ZZEF1: variants seen among roughly 807,000 people sequenced by gnomAD.
The protein encoded by ZZEF1 is zinc finger ZZ-type and EF-hand domain containing 1, also known as zinc finger ZZ-type and EF-hand domain-containing protein 1.
A neutral mutation model predicts 342.8 loss-of-function variants in ZZEF1; 157 were observed. That is an observed-to-expected ratio of 0.46 (90% confidence interval 0.40 to 0.52). The LOEUF is 0.52. Ranked by LOEUF, ZZEF1 falls within the 20% of genes least tolerant of loss-of-function variation. ZZEF1 has a pLI of 0.00. For missense variants in ZZEF1, 3,480 were observed against 3,725.6 expected (o/e 0.93, Z 1.72); for synonymous variants, 1,505 against 1,429.1 (o/e 1.05, Z -1.20).
chr17:4,007,556 C>T (rs1383234925), intron 54 of ZZEF1, among the ~76,000 whole-genome samples: 1 of 152,056 alleles, frequency 6.6e-6, no homozygotes, highest in Non-Finnish European at 1.5e-5. Flanking sequence ...TGGACAGGGG[C>T]AGCAAGAGGG....
intron 40 of ZZEF1, chr17:4,033,503 A>G (rs1203807771): frequency 6.0e-6 from 1 of 166,032 alleles, no homozygotes; most frequent in Non-Finnish European, 1.3e-5. Flanking sequence ...ACACGCCACC[A>G]TGTCCGGCTA....
chr17:4,032,264 A>C lies in ZZEF1; in HGVS notation c.6760-6T>G. The C allele has an allele frequency of 1.2e-6, 2 of 1,608,092 alleles. No individual in the cohort carries two copies. Among genetic ancestry groups the C allele is most frequent in the Non-Finnish European group, 1.7e-6 (2 of 1,178,434 alleles). ...CGGGTTCCCACACAGAGGACCTAGAACGTGGTAGACAGAGACAGAAAGGCA... is the reference window on the plus strand; with the variant it reads ...CGGGTTCCCACACAGAGGACCTAGACCGTGGTAGACAGAGACAGAAAGGCA... On this transcript the variant is annotated splice_polypyrimidine_tract_variant and splice_region_variant and intron_variant, in intron 41 of 54. Coordinates refer to ENST00000381638, the MANE Select transcript of ZZEF1 (RefSeq NM_015113.4).
At position 4,114,340 on chromosome 17, in the gene ZZEF1, G is replaced by A. The variant is rs753871907; in HGVS notation, c.825C>T (p.Ser275=). The change falls in exon 4 of 55, where the codon TCC becomes TCT. Residue 275 remains serine, a synonymous_variant. Transcript: ENST00000381638. ...IDKMTNGETS[S]YWQSDGSACS... ...AGGCACTGCCATCTGACTGCCAGTA[G>A]GATGAGGTTTCTCCATTTGTCATCT... is the stretch of plus-strand genomic sequence containing the variant. The A allele has an allele frequency of 2.5e-6, 4 of 1,610,302 alleles. No homozygotes were observed. In the East Asian group the frequency reaches 9.0e-5, roughly 36 times the overall value.
In ZZEF1 at chr17:4,017,661, T is replaced by C. The variant is rs375101779; in HGVS notation, c.7711A>G (p.Thr2571Ala). ...TAGCTCTGCTGCAGTTCGCTCTCTGTGCTGGAGATCAGCTTCTGGGTCACA... is the reference window on the plus strand; with the variant it reads ...TAGCTCTGCTGCAGTTCGCTCTCTGCGCTGGAGATCAGCTTCTGGGTCACA... ...NPVTQKLISS[T>A]ESELQQSYAK... Residue 2571 changes from threonine (T) to alanine (A), a missense_variant, in exon 48 of 55, where the codon ACA becomes GCA. Around this residue, in one of 5 missense-constraint regions of ZZEF1, gnomAD observed 1,269 missense variants for 1,342.4 expected, o/e 0.95. Coordinates refer to ENST00000381638, the MANE Select transcript of ZZEF1 (RefSeq NM_015113.4). This position sits in a 1 kb window ranked among gnomAD's most constrained non-coding sequence, Gnocchi z 5.1. 1.5e-5 allele frequency: 25 copies of C among 1,613,970 alleles called. No homozygotes were observed. The African/African-American group carries it at 2.7e-4, about 17-fold the overall frequency.
chr17:4,042,553 T>TA lies in ZZEF1; in HGVS notation c.6181_6182insT (p.Glu2061ValfsTer18). The TA allele has an allele frequency of 4.3e-6, 7 of 1,611,000 alleles. No homozygotes were observed. The highest frequency in any genetic ancestry group is 5.1e-6 in the Non-Finnish European group (6 of 1,179,244). On this transcript the variant is annotated frameshift_variant, in exon 39 of 55. Transcript: ENST00000381638. LOFTEE classifies it high-confidence loss of function. ...CTCTATGGGCTTCTGAGATGACACT[T>TA]CTGAATCTTCAGCATCTAAGTGGTA...
chr17:4,036,960 G>A (rs1296134969), intron 39 of ZZEF1, among the ~76,000 whole-genome samples: 6 of 151,984 alleles, frequency 3.9e-5, no homozygotes, highest in Non-Finnish European at 5.9e-5. Flanking sequence ...AAAGGAATGA[G>A]GTCACCTTAG....
At chr17:4,062,313 C>T (rs965049145) in intron 30 of ZZEF1, among the ~76,000 whole-genome samples, 2 of 151,532 alleles carry the variant, frequency 1.3e-5, no homozygotes, top group African/African-American at 4.8e-5. Context: ...TCTCTCTCCT[C>T]AATATAATAT....
intron 1 of ZZEF1, among the ~76,000 whole-genome samples, chr17:4,138,850 G>A (rs537012745): frequency 6.6e-6 from 1 of 152,236 alleles, no homozygotes; most frequent in South Asian, 2.1e-4. Flanking sequence ...CTACATGGCA[G>A]TTAATTAAAT....
At chr17:4,070,162 G>A (rs796918206) in intron 26 of ZZEF1, among the ~76,000 whole-genome samples, 4 of 152,326 alleles carry the variant, frequency 2.6e-5, no homozygotes, top group African/African-American at 7.2e-5. Context: ...GTGATGCTAC[G>A]AAGGCGCTGC....
At chr17:4,087,756 T>C (rs908230298) in intron 13 of ZZEF1, among the ~76,000 whole-genome samples, 18 of 151,306 alleles carry the variant, frequency 1.2e-4, no homozygotes, top group African/African-American at 4.2e-4. Context: ...TATGTATGTA[T>C]GTAAGTGTAT....
At position 4,006,790 on chromosome 17, in the gene ZZEF1, C is replaced by A; in HGVS notation, c.*100G>T. ...ACTGGAGTGGTCAGCTCAAGGAGAG[C>A]TGGGCACTGGCGCTACAGGAGTTTT... is the stretch of plus-strand genomic sequence containing the variant. On this transcript the variant is annotated 3_prime_UTR_variant, in exon 55 of 55. Transcript: ENST00000381638. 4 of 1,298,482 alleles carry A rather than the reference C, an allele frequency of 3.1e-6. No homozygotes were observed. The South Asian group carries it at 3.8e-5, about 12-fold the overall frequency. 80.4% of individuals were successfully genotyped at this position (1,298,482 alleles called of 1,614,324 possible). A position where few individuals can be genotyped will look rare whatever the true frequency, so the allele number is the denominator to read the frequency against.
At chr17:4,129,468 G>A (rs4790566) in intron 1 of ZZEF1, among the ~76,000 whole-genome samples, 115,781 of 152,152 alleles carry the variant, frequency 0.76, 46,359 homozygotes, top group East Asian at 1. Context: ...GCAAAGACAC[G>A]CAATCAACCT....
At chr17:4,046,483 C>A (rs1280946003) in intron 37 of ZZEF1, among the ~76,000 whole-genome samples, 2 of 152,306 alleles carry the variant, frequency 1.3e-5, no homozygotes, top group East Asian at 1.9e-4. Context: ...CTCTTTGGGG[C>A]CAAAGGTGGA....
At chr17:4,073,396 G>A (rs920568441) in intron 24 of ZZEF1, among the ~76,000 whole-genome samples, 1 of 152,078 alleles carries the variant, frequency 6.6e-6, no homozygotes, top group African/African-American at 2.4e-5. Flanking sequence ...CTTGTTCCCT[G>A]GAAGAATTAA....
At chr17:4,090,444 C>T (rs1484943935) in intron 12 of ZZEF1, among the ~76,000 whole-genome samples, 3 of 152,220 alleles carry the variant, frequency 2.0e-5, no homozygotes, top group African/African-American at 7.2e-5. Context: ...CTAAGGATGA[C>T]AACTTAATCT....
chr17:4,009,539 T>C (rs776677556), intron 53 of ZZEF1, 65 bp downstream of exon 53: 2 of 1,603,712 alleles, frequency 1.2e-6, no homozygotes, highest in South Asian at 1.1e-5. Flanking sequence ...GCTTCTGCCC[T>C]GGGTAGCAGA....
Position 4,041,422 on chromosome 17 carries a change from TA to T in ZZEF1, c.6306+1006del, listed in dbSNP as rs796732383. Among the ~76,000 whole-genome samples, 431 of 143,952 alleles carry T rather than the reference TA, an allele frequency of 3.0e-3. 1 individual carries two copies. The highest frequency in any genetic ancestry group is 9.1e-3 in the African/African-American group (357 of 39,400). 94.4% of individuals were successfully genotyped at this position (143,952 alleles called of 152,430 possible). ...GTCTGAGCATCTCCAGGCAAACTGC[TA>T]AAAAAAAAAAGTCCTTGGACTCAAA... On this transcript the variant is annotated intron_variant, in intron 39 of 54. Transcript: ENST00000381638.
At position 4,078,032 on chromosome 17, in the gene ZZEF1, A is replaced by T; in HGVS notation, c.2840T>A (p.Leu947Ter). 1 of 1,613,816 alleles carries T rather than the reference A, an allele frequency of 6.2e-7. No homozygotes were observed. Among genetic ancestry groups the T allele is most frequent in the Non-Finnish European group, 8.5e-7 (1 of 1,179,938 alleles). Residue 947 changes from leucine (L) to a stop codon, truncating the protein, a stop_gained, in exon 19 of 55, where the codon TTA becomes TAA. Coordinates refer to ENST00000381638, the MANE Select transcript of ZZEF1 (RefSeq NM_015113.4). LOFTEE classifies it high-confidence loss of function. ...CTCCCCTGGGGCCCCACTGAGCATT[A>T]ACAGCTCGCACTACAAGGGAGGAGA... ...VSVAARECEL[L>*]MLSGAPGEVG...
At position 4,049,823 on chromosome 17, in the gene ZZEF1, T is replaced by G. The variant is rs1275375165; in HGVS notation, c.5900A>C (p.Asp1967Ala). The change falls in exon 37 of 55, where the codon GAT (aspartate) becomes GCT (alanine). Residue 1967 changes from aspartate to alanine, a missense_variant. Coordinates refer to ENST00000381638, the MANE Select transcript of ZZEF1 (RefSeq NM_015113.4). ...CTGATCTTCTAGGCTCGAGTCCCCA[T>G]CTGGCAATACACCCAGCAAAGCTAG... ...KALALLGVLPDGDSSLEDQAL... is the reference protein window; with the variant it reads ...KALALLGVLPAGDSSLEDQAL... The G allele has an allele frequency of 1.2e-6, 2 of 1,614,202 alleles. No homozygotes were observed. Among genetic ancestry groups the G allele is most frequent in the Admixed American group, 3.3e-5 (2 of 60,028 alleles).
Sources: gnomAD v4.1 joint callset for allele counts (sites outside exome capture counted in the v4.1 genomes callset) on GRCh38, gnomAD v4.1.1 for gene constraint, gnomAD v4.1.1 regional missense constraint, Gnocchi (gnomAD v3.1) non-coding constraint, MANE v1.5 for transcripts, NCBI Gene and HGNC (gene_info 2026-07-23, HGNC 2026-07-21) for gene names.